MEMO1: variants seen among roughly 807,000 people sequenced by gnomAD.
The protein encoded by MEMO1 is protein MEMO1.
MEMO1 carries 6 observed loss-of-function variants against 45.2 expected under a neutral mutation model. That is an observed-to-expected ratio of 0.13 (90% CI 0.07 to 0.26). The LOEUF (loss-of-function observed/expected upper bound fraction) is 0.26. Among genes scored for constraint, MEMO1 ranks in the 10% least tolerant of loss-of-function variants. The probability of loss-of-function intolerance (pLI) is 1.00; values close to 1 mark genes in which losing one functional copy is unlikely to be tolerated. For missense variants in MEMO1, 184 were observed against 370.5 expected, an observed-to-expected ratio of 0.50 and a Z score of 4.13; for synonymous variants, 78 against 124.3, an observed-to-expected ratio of 0.63 and a Z score of 2.48.
At chr2:31,890,214 T>C (rs909792982) in intron 7 of MEMO1, among the ~76,000 whole-genome samples, 21 of 152,138 alleles carry the variant, frequency 1.4e-4, no homozygotes, top group African/African-American at 4.8e-4. Flanking sequence ...GTTGCACAGG[T>C]TGCCAACCTA....
At chr2:31,991,064 A>G (rs887378797) in intron 2 of MEMO1, among the ~76,000 whole-genome samples, 3 of 152,224 alleles carry the variant, frequency 2.0e-5, no homozygotes, top group Admixed American at 1.3e-4. Context: ...TGTTAACTAC[A>G]AAAAGGCCAA....
chr2:31,904,512 G>A (rs181451600), intron 6 of MEMO1, among the ~76,000 whole-genome samples: 2 of 152,284 alleles, frequency 1.3e-5, no homozygotes, highest in East Asian at 3.9e-4. Context: ...AGGGAGAACA[G>A]TACACACCTG....
At chr2:31,948,836 T>G (rs930797187) in intron 2 of MEMO1, among the ~76,000 whole-genome samples, 1 of 152,152 alleles carries the variant, frequency 6.6e-6, no homozygotes, top group African/African-American at 2.4e-5. Context: ...TCCTTTAAAC[T>G]GAATAAATTA....
At chr2:31,971,807 T>C (rs775913618) in intron 2 of MEMO1, among the ~76,000 whole-genome samples, 3 of 152,028 alleles carry the variant, frequency 2.0e-5, no homozygotes, top group Non-Finnish European at 2.9e-5. Flanking sequence ...CCATCTCTAC[T>C]AAAAATATAA....
At chr2:31,936,993 T>C (rs545131833) in intron 3 of MEMO1, among the ~76,000 whole-genome samples, 27 of 152,292 alleles carry the variant, frequency 1.8e-4, no homozygotes, top group Admixed American at 5.2e-4. Flanking sequence ...TAAGGTAAGA[T>C]CTAAAAAGCT....
At chr2:31,970,194 C>T (rs1558542617) in intron 2 of MEMO1, among the ~76,000 whole-genome samples, 1 of 151,672 alleles carries the variant, frequency 6.6e-6, no homozygotes, top group Admixed American at 6.6e-5. Flanking sequence ...CTGGTCTGAA[C>T]TCCTGACCTC....
chr2:31,963,237 G>A, intron 2 of MEMO1: 1 of 1,545,388 alleles, frequency 6.5e-7, no homozygotes, highest in Non-Finnish European at 8.7e-7. Flanking sequence ...CCTCCATAAT[G>A]GCATGAGTCA....
In MEMO1 at chr2:31,920,937, G is replaced by C. The variant is rs766316208; in HGVS notation, c.213-27C>G. On this transcript the variant is annotated intron_variant, in intron 4 of 9. Transcript: ENST00000404530. ...TAGGAGATACACAACAAAAAAACAC[G>C]TAACAATTGCACTTCTACACAAACC... 5.6e-5 allele frequency: 80 copies of C among 1,421,224 alleles called. No individual in the cohort carries two copies. The Admixed American group carries it at 1.2e-3, about 22-fold the overall frequency. 88.0% of individuals were successfully genotyped at this position (1,421,224 alleles called of 1,614,324 possible).
At chr2:31,904,570 C>T (rs887646405) in intron 6 of MEMO1, among the ~76,000 whole-genome samples, 1 of 152,208 alleles carries the variant, frequency 6.6e-6, no homozygotes, top group African/African-American at 2.4e-5. Flanking sequence ...ATGTGCAGTT[C>T]ACAATAGGGT....
chr2:31,951,982 T>C (rs150433513), intron 2 of MEMO1, among the ~76,000 whole-genome samples: 22 of 152,320 alleles, frequency 1.4e-4, no homozygotes, highest in African/African-American at 4.6e-4. Context: ...TCAAAGGATG[T>C]TGTTTGTTTT....
chr2:32,000,849 C>T (rs993345455), intron 2 of MEMO1, among the ~76,000 whole-genome samples: 7 of 151,592 alleles, frequency 4.6e-5, no homozygotes, highest in African/African-American at 1.5e-4. Context: ...ACCCAATTTT[C>T]CTTACTTTAT....
intron 9 of MEMO1, 66 bp from the exon 10 acceptor site, chr2:31,868,558 CG>C: frequency 6.9e-7 from 1 of 1,438,872 alleles, no homozygotes; most frequent in Non-Finnish European, 9.2e-7. Context: ...AATGTGTTTG[CG>C]GTTTGACTTT....
chr2:31,918,143 G>A (rs1681743540), intron 5 of MEMO1, 106 bp from the exon 6 acceptor site: 1 of 559,116 alleles, frequency 1.8e-6, no homozygotes, highest in East Asian at 3.3e-5. Flanking sequence ...GCAAGAGACA[G>A]AAACACCATA....
At chr2:31,894,193 T>C (rs892035067) in intron 6 of MEMO1, among the ~76,000 whole-genome samples, 2 of 151,982 alleles carry the variant, frequency 1.3e-5, no homozygotes, top group African/African-American at 4.8e-5. Context: ...ACAAAAACAA[T>C]GAGAAGAGCA....
chr2:31,955,159 T>A (rs1010619942), intron 2 of MEMO1, among the ~76,000 whole-genome samples: 7 of 150,768 alleles, frequency 4.6e-5, no homozygotes, highest in African/African-American at 1.7e-4. Flanking sequence ...ATCGCTTGAG[T>A]CCAGGAGGTC....
At position 32,001,529 on chromosome 2, in the gene MEMO1, T is replaced by A. The variant is rs571408090; in HGVS notation, c.61+8658A>T. Among the ~76,000 whole-genome samples the A allele has an allele frequency of 4.1e-4, 62 of 152,334 alleles. 4 individuals carry two copies. The East Asian group carries it at 7.1e-3, about 18-fold the overall frequency. On this transcript the variant is annotated intron_variant, in intron 2 of 9. Coordinates refer to ENST00000404530, the MANE Select transcript of MEMO1 (RefSeq NM_001301833.4). ...AAAGATGTTTACTGATTCCAAATAGTTCAACTTCTCACTCTGGCATAGCTA... is the reference window on the plus strand; with the variant it reads ...AAAGATGTTTACTGATTCCAAATAGATCAACTTCTCACTCTGGCATAGCTA...
rs1007657808 is a variant in MEMO1, at chr2:31,910,082, C to T, written c.437+7844G>A. ...TTATGTAAGATTTCTCTTCAGAAAC[C>T]GTGCAAGAAGTGATAAAATAAAGTG... On this transcript the variant is annotated intron_variant, in intron 6 of 9. Coordinates refer to ENST00000404530, the MANE Select transcript of MEMO1 (RefSeq NM_001301833.4). Among the ~76,000 whole-genome samples the T allele has an allele frequency of 5.9e-5, 9 of 151,716 alleles. No homozygotes were observed. In the South Asian group the frequency reaches 6.2e-4, roughly 11 times the overall value.
At chr2:31,953,611 A>G (rs897676406) in intron 2 of MEMO1, among the ~76,000 whole-genome samples, 7 of 151,822 alleles carry the variant, frequency 4.6e-5, no homozygotes, top group Non-Finnish European at 8.8e-5. Flanking sequence ...GTGCACCACC[A>G]TGTCCAGCTC....
intron 2 of MEMO1, among the ~76,000 whole-genome samples, chr2:31,948,647 C>A (rs948516174): frequency 6.6e-6 from 1 of 152,158 alleles, no homozygotes; most frequent in South Asian, 2.1e-4. Context: ...ACTTGTAATA[C>A]CAGCATTTTG....
Sources: gnomAD v4.1 joint callset for allele counts (sites outside exome capture counted in the v4.1 genomes callset) on GRCh38, gnomAD v4.1.1 for gene constraint, MANE v1.5 for transcripts, NCBI Gene and HGNC (gene_info 2026-07-23, HGNC 2026-07-21) for gene names.